Variants in COMMD1 observed in about 807,000 individuals in gnomAD.
The protein encoded by COMMD1 is copper metabolism domain containing 1.
COMMD1 carries 10 observed loss-of-function variants against 17.2 expected under a neutral mutation model. The ratio of observed to expected loss-of-function variants is 0.58; its 90% CI spans 0.36 to 0.99. COMMD1 has a LOEUF of 0.99. COMMD1 is among the 50% of genes least tolerant of loss of function. COMMD1 has a pLI of 0.01. For missense variants in COMMD1, 270 were observed against 231.8 expected, an observed-to-expected ratio of 1.17 and a Z score of -1.07; for synonymous variants, 97 against 91.6, an observed-to-expected ratio of 1.06 and a Z score of -0.34.
intron 1 of COMMD1, chr2:61,928,779 GT>G (rs1218111087): frequency 6.6e-6 from 1 of 152,052 alleles, no homozygotes; most frequent in Non-Finnish European, 1.5e-5. Flanking sequence ...TCCTGCCCTA[GT>G]CCCCTGAAAC....
At chr2:62,109,020 C>T (rs1672386165) in intron 2 of COMMD1, among the ~76,000 whole-genome samples, 1 of 152,180 alleles carries the variant, frequency 6.6e-6, no homozygotes, top group African/African-American at 2.4e-5. Context: ...CCCCAGCAAG[C>T]TGTAACTGTC....
At chr2:62,089,130 A>G (rs573190794) in intron 2 of COMMD1, among the ~76,000 whole-genome samples, 91 of 152,276 alleles carry the variant, frequency 6.0e-4, no homozygotes, top group African/African-American at 2.1e-3. Flanking sequence ...AATGTTTCCA[A>G]AAGGTACTAG....
intron 1 of COMMD1, among the ~76,000 whole-genome samples, chr2:61,892,638 G>A (rs1172884005): frequency 6.6e-6 from 1 of 150,744 alleles, no homozygotes; most frequent in African/African-American, 2.5e-5. Context: ...AGGTTGCGGT[G>A]AGCCGAGATC....
chr2:62,091,323 T>G (rs765071167), intron 2 of COMMD1, among the ~76,000 whole-genome samples: 18 of 152,216 alleles, frequency 1.2e-4, no homozygotes, highest in Non-Finnish European at 2.4e-4. Context: ...AGAATGTCTC[T>G]CCTCATTAGT....
At chr2:61,951,222 G>A (rs987804542) in intron 1 of COMMD1, among the ~76,000 whole-genome samples, 11 of 152,108 alleles carry the variant, frequency 7.2e-5, no homozygotes, top group Non-Finnish European at 1.3e-4. Context: ...CCAGCACTTC[G>A]GGAGGTGGAG....
intron 2 of COMMD1, among the ~76,000 whole-genome samples, chr2:62,121,752 AAGAG>A (rs1040710722): frequency 4.0e-4 from 60 of 151,846 alleles, no homozygotes; most frequent in South Asian, 8.3e-4. Context: ...AAAAAAAAAA[AAGAG>A]AGAGAGAAAG....
At chr2:61,960,429 C>G (rs571521796) in intron 1 of COMMD1, among the ~76,000 whole-genome samples, 1 of 152,062 alleles carries the variant, frequency 6.6e-6, no homozygotes, top group African/African-American at 2.4e-5. Flanking sequence ...AAGGAGTATA[C>G]TTAATACAGT....
At chr2:62,110,588 G>A (rs1672431273) in intron 2 of COMMD1, among the ~76,000 whole-genome samples, 1 of 152,142 alleles carries the variant, frequency 6.6e-6, no homozygotes. Context: ...TCAGCTCTGT[G>A]AGGCAGTGTG....
rs1670380109 is a variant in COMMD1 at position 61,928,352 on chromosome 2, G to A, written c.180+22494G>A. Among the ~76,000 whole-genome samples, 4 of 151,846 alleles carry A rather than the reference G, an allele frequency of 2.6e-5. No homozygotes were observed. The South Asian group carries it at 8.3e-4, about 32-fold the overall frequency. ...ATTTTTGTATTTTTAGTAGAGACAG[G>A]GTTTCACTTCATTGCCCAGGCTGTT... On this transcript the variant is annotated intron_variant, in intron 1 of 2. Transcript: ENST00000311832.
rs1671420815 is a variant in COMMD1, at chr2:62,078,571, AAAG to A, written c.463-57257_463-57255del. 2.1e-5 allele frequency among the ~76,000 whole-genome samples: 3 copies of A among 141,404 alleles called. No homozygotes were observed. The South Asian group carries it at 6.7e-4, about 32-fold the overall frequency. 92.8% of individuals were successfully genotyped at this position (141,404 alleles called of 152,430 possible). On this transcript the variant is annotated intron_variant, in intron 2 of 2. Coordinates refer to ENST00000311832, the MANE Select transcript of COMMD1 (RefSeq NM_152516.4). ...CCGTCTCAAAAAAAAAAAAAAAAGA[AAAG>A]AAAAAATGGTGGGGCCAGGCACGGT...
chr2:62,033,225 T>G (rs962390411), intron 2 of COMMD1, among the ~76,000 whole-genome samples: 1 of 152,236 alleles, frequency 6.6e-6, no homozygotes, highest in Admixed American at 6.5e-5. Flanking sequence ...ATTTACTTCT[T>G]TTTTCTTTGG....
intron 2 of COMMD1, among the ~76,000 whole-genome samples, chr2:62,030,854 A>G (rs1419131174): frequency 6.6e-6 from 1 of 152,146 alleles, no homozygotes; most frequent in Non-Finnish European, 1.5e-5. Flanking sequence ...AATTTGGTAA[A>G]AATACAGTAC....
intron 2 of COMMD1, among the ~76,000 whole-genome samples, chr2:62,014,181 C>T (rs1669367454): frequency 2.0e-5 from 3 of 152,134 alleles, no homozygotes; most frequent in South Asian, 4.1e-4. Flanking sequence ...CTTGCCAGCA[C>T]GCAGCCCCTG....
intron 1 of COMMD1, among the ~76,000 whole-genome samples, chr2:61,965,533 G>A (rs992286559): frequency 2.6e-5 from 4 of 152,156 alleles, no homozygotes; most frequent in African/African-American, 9.7e-5. Flanking sequence ...ATGGTATAGG[G>A]CTTTTTGGAC....
At chr2:62,038,103 A>G (rs1051030678) in intron 2 of COMMD1, among the ~76,000 whole-genome samples, 2 of 152,160 alleles carry the variant, frequency 1.3e-5, no homozygotes, top group African/African-American at 4.8e-5. Flanking sequence ...AGCCTGGCCA[A>G]CATGGTGAAA....
chr2:61,983,071 T>G (rs1035486824), intron 1 of COMMD1, among the ~76,000 whole-genome samples: 4 of 152,154 alleles, frequency 2.6e-5, no homozygotes, highest in African/African-American at 9.7e-5. Context: ...ACCTCCTCAA[T>G]TTTTTGGAAT....
chr2:61,918,286 G>A (rs971918452), intron 1 of COMMD1, among the ~76,000 whole-genome samples: 16 of 152,118 alleles, frequency 1.1e-4, no homozygotes, highest in African/African-American at 2.9e-4. Flanking sequence ...GTTTTTAAGC[G>A]ACTAAGTTTT....
intron 1 of COMMD1, among the ~76,000 whole-genome samples, chr2:61,952,646 G>C (rs1422363329): frequency 6.6e-6 from 1 of 152,156 alleles, no homozygotes; most frequent in Non-Finnish European, 1.5e-5. Context: ...ACTCTGCCTA[G>C]CTTCTGAGTT....
At chr2:62,056,866 A>G (rs920887337) in intron 2 of COMMD1, among the ~76,000 whole-genome samples, 3 of 152,236 alleles carry the variant, frequency 2.0e-5, no homozygotes, top group African/African-American at 4.8e-5. Context: ...CCTTGAAAGT[A>G]TGTTTGAGGC....
Sources: allele counts gnomAD v4.1 joint callset (sites outside exome capture counted in the v4.1 genomes callset), GRCh38; gene constraint gnomAD v4.1.1; transcripts MANE v1.5; gene names NCBI Gene and HGNC (gene_info 2026-07-23, HGNC 2026-07-21).